The following TECPR2 variants were observed in gnomAD, a reference collection of about 807,000 sequenced individuals.
The protein encoded by TECPR2 is tectonin beta-propeller repeat containing 2, also known as tectonin beta-propeller repeat-containing protein 2.
In TECPR2, 65 loss-of-function variants were observed where a neutral mutation model predicts 138.1. The ratio of observed to expected loss-of-function variants is 0.47; its 90% confidence interval spans 0.39 to 0.58. TECPR2 has a LOEUF of 0.58. Among genes scored for constraint, TECPR2 ranks in the 20% least tolerant of loss-of-function variants. The pLI, the probability that TECPR2 is intolerant of heterozygous loss-of-function variation, is 0.00. For synonymous variants in TECPR2, 746 were observed against 749.8 expected (o/e 0.99, Z 0.08); for missense variants, 1,553 against 1,824.5 (o/e 0.85, Z 2.71).
chr14:102,498,665 C>A lies in TECPR2; in HGVS notation c.*408C>A. On this transcript the variant is annotated 3_prime_UTR_variant, in exon 20 of 20. Transcript: ENST00000359520. ...TCCTTCCACATTAGTAGCCCCAGGG[C>A]CAGATGGAGCCAAAGGTCAGCTCTC... is the stretch of plus-strand genomic sequence containing the variant. The A allele has an allele frequency of 2.5e-6, 1 of 399,544 alleles. No homozygotes were observed. Among genetic ancestry groups the A allele is most frequent in the Non-Finnish European group, 4.8e-6 (1 of 207,726 alleles). 24.7% of individuals were successfully genotyped at this position (399,544 alleles called of 1,614,324 possible).
rs1484834472 is a variant in TECPR2, at chr14:102,408,500, G to T, written c.361G>T (p.Asp121Tyr). The stretch of plus-strand genomic sequence containing the variant: ...CCCTTGTTCATAGCTTCGGAGATTT[G>T]ATGTCACTGGTATTCACAAAAATAG... The part of the protein sequence containing the change: ...PGRNKQLRRF[D>Y]VTGIHKNSIT... The change falls in exon 4 of 20, where the codon GAT (aspartate) becomes TAT (tyrosine). Residue 121 changes from aspartate to tyrosine, a missense_variant. By Grantham distance (160) the Asp-to-Tyr change is radical. Transcript: ENST00000359520. The T allele has an allele frequency of 1.2e-6, 2 of 1,602,482 alleles. No homozygotes were observed. Among genetic ancestry groups the T allele is most frequent in the African/African-American group, 2.7e-5 (2 of 74,072 alleles).
At chr14:102,378,773 C>T (rs767917629) in intron 2 of TECPR2, among the ~76,000 whole-genome samples, 10 of 151,994 alleles carry the variant, frequency 6.6e-5, no homozygotes, top group African/African-American at 2.4e-4. Flanking sequence ...TACAGGCACC[C>T]GCTATCACAC....
At chr14:102,494,843 C>A (rs1015443459) in intron 17 of TECPR2, among the ~76,000 whole-genome samples, 22 of 141,876 alleles carry the variant, frequency 1.6e-4, no homozygotes, top group African/African-American at 5.8e-4. Flanking sequence ...AAAAAAAAAA[C>A]TAAACTAGCT....
chr14:102,383,215 A>T (rs949396705), intron 2 of TECPR2, among the ~76,000 whole-genome samples: 14 of 152,182 alleles, frequency 9.2e-5, no homozygotes, highest in Admixed American at 2.0e-4. Context: ...CTTCTAACAC[A>T]GAGTAGTTTT....
intron 12 of TECPR2, among the ~76,000 whole-genome samples, chr14:102,444,939 C>T (rs1327255610): frequency 6.6e-6 from 1 of 152,142 alleles, no homozygotes; most frequent in Non-Finnish European, 1.5e-5. Flanking sequence ...AGCAAGACTC[C>T]ATCTCAAAAA....
chr14:102,475,351 G>C (rs1890735442), intron 17 of TECPR2, among the ~76,000 whole-genome samples: 1 of 152,196 alleles, frequency 6.6e-6, no homozygotes, highest in African/African-American at 2.4e-5. Context: ...GGCAGGGAGG[G>C]CTGGGCTAAG....
intron 7 of TECPR2, among the ~76,000 whole-genome samples, chr14:102,430,264 G>A (rs369544109): frequency 3.3e-5 from 5 of 152,140 alleles, no homozygotes; most frequent in Non-Finnish European, 7.4e-5. Flanking sequence ...ATGAGCCACC[G>A]CGCCCAGCCT....
intron 2 of TECPR2, among the ~76,000 whole-genome samples, chr14:102,383,758 C>T (rs923906508): frequency 6.6e-6 from 1 of 151,838 alleles, no homozygotes; most frequent in Admixed American, 6.6e-5. Flanking sequence ...TTTTCAGTCA[C>T]CAAACTAAAA....
Position 102,483,924 on chromosome 14 carries a change from G to A in TECPR2, c.3790-13055G>A, listed in dbSNP as rs563085954. Among the ~76,000 whole-genome samples the A allele has an allele frequency of 6.1e-5, 8 of 130,284 alleles. No homozygotes were observed. The South Asian group carries it at 1.9e-3, about 31-fold the overall frequency. 85.5% of individuals were successfully genotyped at this position (130,284 alleles called of 152,430 possible). A position where few individuals can be genotyped will look rare whatever the true frequency, so the allele number is the denominator to read the frequency against. On this transcript the variant is annotated intron_variant, in intron 17 of 19. Transcript: ENST00000359520. The stretch of plus-strand genomic sequence containing the variant: ...CGATTCTCCTGCCTCAGCCTCCCAC[G>A]TAGCTGGGATTATAGGCACCTGCCA...
intron 2 of TECPR2, among the ~76,000 whole-genome samples, chr14:102,396,003 G>A (rs1888304733): frequency 6.6e-6 from 1 of 152,052 alleles, no homozygotes; most frequent in Admixed American, 6.6e-5. Context: ...TTGATCAGGT[G>A]AAGTAGAACT....
chr14:102,407,296 C>A, intron 2 of TECPR2, 42 bp from the exon 3 acceptor site: 6 of 1,549,866 alleles, frequency 3.9e-6, no homozygotes, highest in Non-Finnish European at 5.2e-6. Flanking sequence ...ATTTTCAAAG[C>A]CTGCATAGTT....
rs527620143 is a variant in TECPR2 at position 102,425,741 on chromosome 14, A to G, written c.951+450A>G. Among the ~76,000 whole-genome samples, 7 of 151,394 alleles carry G rather than the reference A, an allele frequency of 4.6e-5. No individual in the cohort carries two copies. The East Asian group carries it at 9.7e-4, about 21-fold the overall frequency. On this transcript the variant is annotated intron_variant, in intron 6 of 19. Transcript: ENST00000359520. ...CAGACGCATGCCACCACGCCTGGCT[A>G]ATTTTTGTATTTTTAGTAGAGACAG...
chr14:102,450,020 A>G, intron 14 of TECPR2, 151 bp downstream of exon 14: 1 of 1,219,660 alleles, frequency 8.2e-7, no homozygotes, highest in East Asian at 2.5e-5. Flanking sequence ...ATGCTTTGTG[A>G]TCAGTTTCTC....
At chr14:102,389,984 T>G (rs866593714) in intron 2 of TECPR2, among the ~76,000 whole-genome samples, 4 of 152,372 alleles carry the variant, frequency 2.6e-5, no homozygotes, top group South Asian at 4.1e-4. Context: ...AGGAAAATAG[T>G]GTAACCATTC....
intron 1 of TECPR2, among the ~76,000 whole-genome samples, chr14:102,375,866 C>G (rs951711296): frequency 2.0e-5 from 3 of 152,132 alleles, no homozygotes; most frequent in Non-Finnish European, 4.4e-5. Flanking sequence ...GGCCCCCAGT[C>G]CCTTCTAAAA....
chr14:102,453,159 C>T (rs559922113), intron 16 of TECPR2, among the ~76,000 whole-genome samples: 59 of 152,200 alleles, frequency 3.9e-4, no homozygotes, highest in African/African-American at 1.4e-3. Flanking sequence ...TATCAAAAGC[C>T]GTGGAGTAGG....
rs1316260117 is a variant in TECPR2 at position 102,384,717 on chromosome 14, A to AT, written c.219+7778dup. Among the ~76,000 whole-genome samples, 3 of 150,128 alleles carry AT rather than the reference A, an allele frequency of 2.0e-5. 1 individual carries two copies. Among genetic ancestry groups the AT allele is most frequent in the African/African-American group, 4.9e-5 (2 of 40,900 alleles). On this transcript the variant is annotated intron_variant, in intron 2 of 19. Transcript: ENST00000359520. ...TATATATATGTGTGTGTGTGTGTAT[A>AT]TATATATACACATATATATGTATAT...
In TECPR2 at chr14:102,445,903, A is replaced by G. The variant is rs1371079484; in HGVS notation, c.3031A>G (p.Ile1011Val). ...IHGNLWFRTG[I>V]ISKKPQGDDD... is the part of the protein sequence containing the mutation. ...TGGGAACCTGTGGTTCAGAACTGGC[A>G]TTATTTCCAAGAAGCCCCAAGGAGA... is the stretch of plus-strand genomic sequence containing the variant. The change falls in exon 13 of 20, where the codon ATT becomes GTT. Residue 1011 changes from isoleucine (I) to valine (V), a missense_variant. Coordinates refer to ENST00000359520, the MANE Select transcript of TECPR2 (RefSeq NM_014844.5). The G allele has an allele frequency of 2.5e-6, 4 of 1,613,960 alleles. No homozygotes were observed. Among genetic ancestry groups the G allele is most frequent in the South Asian group, 1.1e-5 (1 of 91,078 alleles).
intron 16 of TECPR2, among the ~76,000 whole-genome samples, chr14:102,462,910 A>G (rs80282893): frequency 0.016 from 2,443 of 152,340 alleles, 91 homozygotes; most frequent in African/African-American, 0.056. Flanking sequence ...CAGGCACTTC[A>G]CAAAAGAAGA....
Sources: gnomAD v4.1 joint callset for allele counts (sites outside exome capture counted in the v4.1 genomes callset) on GRCh38, gnomAD v4.1.1 for gene constraint, MANE v1.5 for transcripts, NCBI Gene and HGNC (gene_info 2026-07-23, HGNC 2026-07-21) for gene names.